Variants in SNX25 observed in about 807,000 individuals in gnomAD.
SNX25 encodes sorting nexin 25.
Under a neutral mutation model 113.7 loss-of-function variants are expected in SNX25, and 62 were observed. The observed-to-expected ratio is 0.55, with a 90% confidence interval of 0.44 to 0.67. SNX25 has a LOEUF of 0.67. SNX25 is among the 30% of genes least tolerant of loss of function. The pLI is 0.00. For missense variants in SNX25, 1,014 were observed against 1,161.0 expected, an observed-to-expected ratio of 0.87 and a Z score of 1.84; for synonymous variants, 421 against 436.2, an observed-to-expected ratio of 0.97 and a Z score of 0.43.
chr4:185,207,906 T>A (rs1737257929), upstream of SNX25: 2 of 152,122 alleles, frequency 1.3e-5, no homozygotes, highest in South Asian at 4.1e-4. Flanking sequence ...TAATTTAAAT[T>A]TATCATAAAG....
At chr4:185,299,548 C>T (rs1027096065) in intron 6 of SNX25, among the ~76,000 whole-genome samples, 2 of 152,112 alleles carry the variant, frequency 1.3e-5, no homozygotes, top group Non-Finnish European at 2.9e-5. Context: ...TGCTGCCTGT[C>T]CAGGAATCAC....
chr4:185,243,091 G>A (rs763507090), intron 1 of SNX25, among the ~76,000 whole-genome samples: 1 of 152,184 alleles, frequency 6.6e-6, no homozygotes, highest in Non-Finnish European at 1.5e-5. Context: ...TGGAAAATCA[G>A]ATTGAAAGAA....
At chr4:185,225,778 T>C (rs1361006604) in intron 1 of SNX25, among the ~76,000 whole-genome samples, 1 of 152,158 alleles carries the variant, frequency 6.6e-6, no homozygotes, top group East Asian at 1.9e-4. Context: ...TATTCTCATG[T>C]TGTGGATGGG....
intron 13 of SNX25, among the ~76,000 whole-genome samples, chr4:185,347,453 G>C (rs938415283): frequency 2.7e-5 from 4 of 150,748 alleles, no homozygotes; most frequent in African/African-American, 7.3e-5. Flanking sequence ...GTTTTTTTTT[G>C]TTTTCTTTTG....
At chr4:185,299,574 T>G (rs1579682063) in intron 6 of SNX25, among the ~76,000 whole-genome samples, 1 of 152,182 alleles carries the variant, frequency 6.6e-6, no homozygotes, top group South Asian at 2.1e-4. Flanking sequence ...GAACCACTGC[T>G]GCAGATGATA....
At chr4:185,262,796 A>G (rs1274235794) in intron 3 of SNX25, among the ~76,000 whole-genome samples, 1 of 152,206 alleles carries the variant, frequency 6.6e-6, no homozygotes, top group Admixed American at 6.5e-5. Flanking sequence ...GAATCACAGC[A>G]AACAAATGAT....
intron 1 of SNX25, among the ~76,000 whole-genome samples, chr4:185,212,418 CT>C (rs1476990432): frequency 2.7e-5 from 4 of 149,250 alleles, no homozygotes; most frequent in African/African-American, 9.9e-5. Context: ...AGTACTGGTA[CT>C]GTTTACTCAA....
intron 6 of SNX25, among the ~76,000 whole-genome samples, chr4:185,303,335 A>G (rs1244323666): frequency 1.3e-5 from 2 of 152,150 alleles, no homozygotes; most frequent in Non-Finnish European, 2.9e-5. Flanking sequence ...CCTTAAACCA[A>G]GGGGAGTGCT....
intron 6 of SNX25, among the ~76,000 whole-genome samples, chr4:185,309,288 TG>T: frequency 6.6e-6 from 1 of 152,318 alleles, no homozygotes; most frequent in East Asian, 1.9e-4. Flanking sequence ...TCCAAGCCCT[TG>T]GTCTTTTATG....
chr4:185,242,889 T>C (rs1744282262), intron 1 of SNX25, among the ~76,000 whole-genome samples: 1 of 152,172 alleles, frequency 6.6e-6, no homozygotes, highest in Non-Finnish European at 1.5e-5. Context: ...TGAAAACCAA[T>C]ATATATCATA....
intron 6 of SNX25, among the ~76,000 whole-genome samples, chr4:185,310,289 A>AC: frequency 6.6e-6 from 1 of 152,362 alleles, no homozygotes; most frequent in East Asian, 1.9e-4. Context: ...CATAACTAGC[A>AC]CCCAGTACAT....
intron 14 of SNX25, among the ~76,000 whole-genome samples, chr4:185,352,412 G>A (rs2095320230): frequency 6.6e-6 from 1 of 152,130 alleles, no homozygotes; most frequent in Non-Finnish European, 1.5e-5. Context: ...AGCTGGGGCG[G>A]AAGTCAGCAC....
the SNX25 span, chr4:185,375,504 A>ACATATATG: frequency 1.3e-5 from 1 of 79,892 alleles, no homozygotes; most frequent in Non-Finnish European, 2.2e-5. Context: ...ATATATATAT[A>ACATATATG]TATATATATA....
chr4:185,378,071 G>A, the SNX25 span: 2 of 1,603,820 alleles, frequency 1.2e-6, no homozygotes, highest in African/African-American at 2.7e-5. Context: ...TTAAATATCA[G>A]GATTTGTACC....
At chr4:185,337,677 T>C (rs112453297) in intron 10 of SNX25, among the ~76,000 whole-genome samples, 10 of 152,348 alleles carry the variant, frequency 6.6e-5, no homozygotes, top group African/African-American at 2.2e-4. Context: ...CATTAAACTC[T>C]CTACCACAAC....
intron 9 of SNX25, among the ~76,000 whole-genome samples, chr4:185,328,463 T>C (rs1026384442): frequency 2.0e-5 from 3 of 152,166 alleles, no homozygotes; most frequent in Non-Finnish European, 1.5e-5. Context: ...TGGAAAAAAG[T>C]AATTCAGTTG....
At chr4:185,240,296 G>A (rs1383681274) in intron 1 of SNX25, among the ~76,000 whole-genome samples, 3 of 152,150 alleles carry the variant, frequency 2.0e-5, no homozygotes, top group Non-Finnish European at 4.4e-5. Context: ...CCTCCCAGAT[G>A]GGGTGGTGGC....
chr4:185,320,159 A>G (rs527707099), intron 7 of SNX25, among the ~76,000 whole-genome samples: 29 of 152,246 alleles, frequency 1.9e-4, no homozygotes, highest in African/African-American at 6.5e-4. Context: ...CCATTCTGCT[A>G]TACAGACACT....
At chr4:185,237,118 T>C (rs1742756858) in intron 1 of SNX25, among the ~76,000 whole-genome samples, 1 of 150,958 alleles carries the variant, frequency 6.6e-6, no homozygotes, top group Non-Finnish European at 1.5e-5. Flanking sequence ...TGCTCCTTCC[T>C]GTATCTAAAG....
Sources: gnomAD v4.1 joint callset for allele counts (sites outside exome capture counted in the v4.1 genomes callset) on GRCh38, gnomAD v4.1.1 for gene constraint, MANE v1.5 for transcripts, NCBI Gene and HGNC (gene_info 2026-07-23, HGNC 2026-07-21) for gene names.